SLC7A6: variants seen among roughly 807,000 people sequenced by gnomAD.
The protein encoded by SLC7A6 is Y+L amino acid transporter 2.
Under a neutral mutation model 46.6 loss-of-function variants are expected in SLC7A6, and 29 were observed. The observed-to-expected ratio is 0.62, with a 90% CI of 0.46 to 0.85. The LOEUF is 0.85. SLC7A6 is among the 40% of genes least tolerant of loss of function. SLC7A6 has a pLI of 0.00. For synonymous variants in SLC7A6, 276 were observed against 257.3 expected (o/e 1.07, Z -0.70); for missense variants, 527 against 647.6 (o/e 0.81, Z 2.02).
intron 7 of SLC7A6, among the ~76,000 whole-genome samples, chr16:68,292,952 G>A (rs977992634): frequency 2.0e-5 from 3 of 152,170 alleles, no homozygotes; most frequent in African/African-American, 7.2e-5. Flanking sequence ...CCCCAGGGCC[G>A]GGGGTATAAT....
chr16:68,291,552 C>T lies in SLC7A6; in HGVS notation c.919-6C>T. 6.2e-7 allele frequency: 1 copy of T among 1,613,918 alleles called. No individual in the cohort carries two copies. Among genetic ancestry groups the T allele is most frequent in the Non-Finnish European group, 8.5e-7 (1 of 1,179,912 alleles). ...TTTAAGTGCCTTTTCTGTGCCCTGC[C>T]CCCAGACATTTGCTGACCAGACGTT... On this transcript the variant is annotated splice_polypyrimidine_tract_variant and splice_region_variant and intron_variant, in intron 6 of 10. Coordinates refer to ENST00000219343, the MANE Select transcript of SLC7A6 (RefSeq NM_003983.6).
rs1377634149 is a variant in SLC7A6 at position 68,294,885 on chromosome 16, C to A, written c.1119+84C>A. The A allele has an allele frequency of 1.7e-5, 16 of 915,266 alleles. No homozygotes were observed. In the East Asian group the frequency reaches 3.8e-4, roughly 22 times the overall value. 56.7% of individuals were successfully genotyped at this position (915,266 alleles called of 1,614,324 possible). ...GTGCTAAGTTGTTAAATAAGAGGGA[C>A]CCTGAGAAAGGCCTTACTCTAAGAT... On this transcript the variant is annotated intron_variant, in intron 8 of 10. Coordinates refer to ENST00000219343, the MANE Select transcript of SLC7A6 (RefSeq NM_003983.6).
chr16:68,290,585 C>T, intron 5 of SLC7A6, 45 bp downstream of exon 5: 1 of 1,611,420 alleles, frequency 6.2e-7, no homozygotes. Context: ...GGCTGGAACT[C>T]CTGCTGATAG....
In SLC7A6 at chr16:68,297,905, GTATTTAAAAA is replaced by G. The variant is rs2043203508; in HGVS notation, c.*579_*588del. The G allele has an allele frequency of 6.6e-6, 1 of 152,648 alleles. No homozygotes were observed. Among genetic ancestry groups the G allele is most frequent in the East Asian group, 1.9e-4 (1 of 5,196 alleles). 9.5% of individuals were successfully genotyped at this position (152,648 alleles called of 1,614,324 possible). ...ATCTACAGGATGCAATAGGCTGATT[GTATTTAAAAA>G]TCAAAGTACCCAAAACTGAGTCCCT... On this transcript the variant is annotated 3_prime_UTR_variant, in exon 11 of 11. Transcript: ENST00000219343.
At chr16:68,283,932 G>T (rs370989460) in intron 3 of SLC7A6, among the ~76,000 whole-genome samples, 6 of 152,198 alleles carry the variant, frequency 3.9e-5, no homozygotes, top group Admixed American at 3.3e-4. Flanking sequence ...GAGGAGTAAG[G>T]ATCAGATGGT....
intron 3 of SLC7A6, among the ~76,000 whole-genome samples, chr16:68,281,425 T>G (rs950466682): frequency 6.6e-6 from 1 of 152,180 alleles, no homozygotes; most frequent in Non-Finnish European, 1.5e-5. Context: ...CATACCACCA[T>G]GCACAGAACA....
At chr16:68,272,184 T>C (rs1458702047) in intron 2 of SLC7A6, among the ~76,000 whole-genome samples, 1 of 151,838 alleles carries the variant, frequency 6.6e-6, no homozygotes, top group African/African-American at 2.4e-5. Flanking sequence ...GAGGCCAAGG[T>C]AGGAGGATCA....
At position 68,275,230 on chromosome 16, in the gene SLC7A6, C is replaced by A; in HGVS notation, c.504C>A (p.Leu168=). The A allele has an allele frequency of 6.2e-7, 1 of 1,611,786 alleles. No individual in the cohort carries two copies. The highest frequency in any genetic ancestry group is 1.1e-5 in the South Asian group (1 of 91,024). The change falls in exon 3 of 11, where the codon CTC becomes CTA. Residue 168 remains leucine (L), a synonymous_variant. Coordinates refer to ENST00000219343, the MANE Select transcript of SLC7A6 (RefSeq NM_003983.6). The part of the protein sequence containing the change: ...SCDPPYLACR[L]LAAACICLLT... ...ATCCCCCATACCTGGCCTGCCGTCT[C>A]CTGGCTGCTGCTTGCATATGTAAGT... is the stretch of plus-strand genomic sequence containing the variant.
Position 68,290,537 on chromosome 16 carries a change from A to G in SLC7A6, c.791A>G (p.Glu264Gly). The G allele has an allele frequency of 1.9e-6, 3 of 1,614,132 alleles. No homozygotes were observed. Among genetic ancestry groups the G allele is most frequent in the Non-Finnish European group, 2.5e-6 (3 of 1,180,018 alleles). ...NFVTEEIKNP[E>G]RNLPLAIGIS... is the part of the protein sequence containing the mutation. The stretch of plus-strand genomic sequence containing the variant: ...GTAACAGAAGAAATCAAAAACCCAG[A>G]AAGGTAAAGATGGGATCACACTCTC... Residue 264 changes from glutamate to glycine, a missense_variant, in exon 5 of 11, where the codon GAA (glutamate) becomes GGA (glycine). By Grantham distance (98) the Glu-to-Gly change is moderately conservative (BLOSUM62 -2). Transcript: ENST00000219343.
At chr16:68,288,913 G>A (rs886108784) in intron 4 of SLC7A6, among the ~76,000 whole-genome samples, 7 of 105,220 alleles carry the variant, frequency 6.7e-5, no homozygotes, top group Non-Finnish European at 1.1e-4. Context: ...GCAGTAAGCC[G>A]AGATTGTGCC....
At chr16:68,291,491 G>A (rs2043048666) in intron 6 of SLC7A6, 67 bp from the exon 7 acceptor site, 1 of 1,587,124 alleles carries the variant, frequency 6.3e-7, no homozygotes, top group South Asian at 1.1e-5. Flanking sequence ...TTTGTTCCGA[G>A]ATCATAGATG....
intron 3 of SLC7A6, among the ~76,000 whole-genome samples, chr16:68,278,911 C>T (rs987684915): frequency 2.0e-5 from 3 of 152,106 alleles, no homozygotes; most frequent in African/African-American, 7.2e-5. Flanking sequence ...CCCCCACCTC[C>T]CGGACAGGGC....
chr16:68,291,762 GGTGTGTGTGTGTGTGTGTGTGTGT>G lies in SLC7A6; in HGVS notation c.1022+116_1022+139del. 6 of 548,022 alleles carry G rather than the reference GGTGTGTGTGTGTGTGTGTGTGTGT, an allele frequency of 1.1e-5. 1 individual carries two copies. Among genetic ancestry groups the G allele is most frequent in the Middle Eastern group, 3.2e-4 (1 of 3,122 alleles). 33.9% of individuals were successfully genotyped at this position (548,022 alleles called of 1,614,324 possible). A position where few individuals can be genotyped will look rare whatever the true frequency, so the allele number is the denominator to read the frequency against. ...TTCCCTCCTTCTCATGGGCATATAG[GGTGTGTGTGTGTGTGTGTGTGTGT>G]GTGTGTGTGTGTGTTTGGTATGTGG... On this transcript the variant is annotated intron_variant, in intron 7 of 10. Transcript: ENST00000219343.
At chr16:68,286,916 G>T (rs1415140053) in intron 3 of SLC7A6, among the ~76,000 whole-genome samples, 1 of 151,838 alleles carries the variant, frequency 6.6e-6, no homozygotes, top group East Asian at 1.9e-4. Flanking sequence ...AGGAATATCT[G>T]TATTTTGGAG....
chr16:68,286,274 T>C (rs1186649572), intron 3 of SLC7A6, among the ~76,000 whole-genome samples: 3 of 151,684 alleles, frequency 2.0e-5, no homozygotes, highest in Admixed American at 6.6e-5. Flanking sequence ...AGGAATGCCA[T>C]GTGGTTCAGG....
chr16:68,271,809 C>CT (rs555148108), intron 2 of SLC7A6, among the ~76,000 whole-genome samples: 78 of 119,916 alleles, frequency 6.5e-4, no homozygotes, highest in Middle Eastern at 4.5e-3. Flanking sequence ...TTTTTCTTTT[C>CT]TTTTTTTTTT....
intron 2 of SLC7A6, among the ~76,000 whole-genome samples, chr16:68,268,724 G>A (rs532227596): frequency 7.2e-5 from 11 of 152,112 alleles, no homozygotes; most frequent in African/African-American, 2.4e-4. Flanking sequence ...TTTTTTTGTT[G>A]GCTGGGTGTG....
At chr16:68,267,206 ATTTTTTTT>A (rs1189220005) in intron 2 of SLC7A6, among the ~76,000 whole-genome samples, 30 of 87,686 alleles carry the variant, frequency 3.4e-4, no homozygotes, top group Middle Eastern at 8.8e-3. Flanking sequence ...ATTGTGGTGG[ATTTTTTTT>A]TTTTTTTTTT....
chr16:68,300,919 A>G lies in SLC7A6; in HGVS notation c.*3591A>G. On this transcript the variant is annotated 3_prime_UTR_variant, in exon 11 of 11. Coordinates refer to ENST00000219343, the MANE Select transcript of SLC7A6 (RefSeq NM_003983.6). The stretch of plus-strand genomic sequence containing the variant: ...ATGGCACAGCAGAAGCTTACTGCTA[A>G]TGAAATGGGAACCTCCCCCTCCCTT... 1 of 1,000,094 alleles carries G rather than the reference A, an allele frequency of 1.0e-6. No homozygotes were observed. The highest frequency in any genetic ancestry group is 1.2e-6 in the Non-Finnish European group (1 of 839,430). 62.0% of individuals were successfully genotyped at this position (1,000,094 alleles called of 1,614,324 possible). A position where few individuals can be genotyped will look rare whatever the true frequency, so the allele number is the denominator to read the frequency against.
Sources: allele counts gnomAD v4.1 joint callset (sites outside exome capture counted in the v4.1 genomes callset), GRCh38; gene constraint gnomAD v4.1.1; transcripts MANE v1.5; gene names NCBI Gene and HGNC (gene_info 2026-07-23, HGNC 2026-07-21).